Variants in KCTD18 observed in about 807,000 individuals in gnomAD.
KCTD18 encodes the protein potassium channel tetramerization domain containing 18.
Under a neutral mutation model 30.4 loss-of-function variants are expected in KCTD18, and 22 were observed. The observed-to-expected ratio is 0.72, with a 90% CI of 0.52 to 1.03. The LOEUF is 1.03. Ranked by LOEUF, KCTD18 falls within the 50% of genes least tolerant of loss-of-function variation. The probability of loss-of-function intolerance (pLI) is 0.00; values close to 1 mark genes in which losing one functional copy is unlikely to be tolerated. For missense variants in KCTD18, 529 were observed against 547.6 expected (o/e 0.97, Z 0.34); for synonymous variants, 186 against 209.0 (o/e 0.89, Z 0.95).
chr2:200,497,579 T>C, intron 5 of KCTD18, 174 bp downstream of exon 5: 1 of 576,496 alleles, frequency 1.7e-6, no homozygotes, highest in Non-Finnish European at 3.1e-6. Context: ...ATCTAGCAAC[T>C]CATGGGATTT....
At chr2:200,493,117 TA>T in intron 6 of KCTD18, 54 bp downstream of exon 6, 1 of 1,019,206 alleles carries the variant, frequency 9.8e-7, no homozygotes, top group Non-Finnish European at 1.6e-6. Flanking sequence ...ACAAAGGCAG[TA>T]AAAATGTCAG....
intron 3 of KCTD18, 96 bp downstream of exon 3, chr2:200,504,652 T>C (rs2030062551): frequency 1.1e-6 from 1 of 890,594 alleles, no homozygotes; most frequent in Non-Finnish European, 1.7e-6. Context: ...AACTATCTTG[T>C]TTGGTTAATG....
At position 200,490,628 on chromosome 2, in the gene KCTD18, GA is replaced by G. The variant is rs1199913263; in HGVS notation, c.765-13del. 6.4e-7 allele frequency: 1 copy of G among 1,566,040 alleles called. No individual in the cohort carries two copies. Among genetic ancestry groups the G allele is most frequent in the Non-Finnish European group, 8.6e-7 (1 of 1,161,298 alleles). On this transcript the variant is annotated splice_polypyrimidine_tract_variant and intron_variant, in intron 6 of 6. Coordinates refer to ENST00000359878, the MANE Select transcript of KCTD18 (RefSeq NM_152387.4). ...ACGTTATCAGTCGCCTAGAAATACA[GA>G]AGCGTGTCATTTTCCACATGTATAG...
Position 200,489,165 on chromosome 2 carries a change from AAC to A in KCTD18, c.*933_*934del, listed in dbSNP as rs1425427069. On this transcript the variant is annotated 3_prime_UTR_variant, in exon 7 of 7. Transcript: ENST00000359878. ...TTACAAAACATAACATTTACGAATA[AAC>A]ACACACAACTGAATAGTCATGAAAA... 9 of 152,772 alleles carry A rather than the reference AAC, an allele frequency of 5.9e-5. No individual in the cohort carries two copies. Among genetic ancestry groups the A allele is most frequent in the Middle Eastern group, 3.4e-3 (1 of 294 alleles). 9.5% of individuals were successfully genotyped at this position (152,772 alleles called of 1,614,324 possible). A position where few individuals can be genotyped will look rare whatever the true frequency, so the allele number is the denominator to read the frequency against.
rs2087947275 is a variant in KCTD18, at chr2:200,493,202, C to CT, written c.733dup (p.Ser245LysfsTer18). 2 of 1,612,604 alleles carry CT rather than the reference C, an allele frequency of 1.2e-6. No homozygotes were observed. The highest frequency in any genetic ancestry group is 2.2e-5 in the South Asian group (2 of 91,046). On this transcript the variant is annotated frameshift_variant, in exon 6 of 7. Coordinates refer to ENST00000359878, the MANE Select transcript of KCTD18 (RefSeq NM_152387.4). LOFTEE classifies it low-confidence loss of function (END_TRUNC). ...TCGAATTGGAGCCATGTGACGCAGG[C>CT]TTCCAAGTAAAGGCCGTTCTTCTAG...
In KCTD18 at chr2:200,507,068, A is replaced by C; in HGVS notation, c.-52T>G. 1 of 1,484,840 alleles carries C rather than the reference A, an allele frequency of 6.7e-7. No individual in the cohort carries two copies. Among genetic ancestry groups the C allele is most frequent in the Non-Finnish European group, 9.2e-7 (1 of 1,082,006 alleles). The allele number at this position is 1,484,840 out of a possible 1,614,324, so 92.0% of individuals were successfully genotyped here. A position where few individuals can be genotyped will look rare whatever the true frequency, so the allele number is the denominator to read the frequency against. ...CCGCCCAACACTTTCAGAAACTTCA[A>C]AACAATGATGTCTTGGTCTCCCTCT... On this transcript the variant is annotated 5_prime_UTR_variant, in exon 2 of 7. Transcript: ENST00000359878.
At chr2:200,506,431 G>A (rs2030203423) in intron 2 of KCTD18, among the ~76,000 whole-genome samples, 1 of 152,222 alleles carries the variant, frequency 6.6e-6, no homozygotes, top group East Asian at 1.9e-4. Flanking sequence ...TAGGTGGCGA[G>A]CCCAACACTA....
chr2:200,496,855 T>C (rs1045143672), intron 5 of KCTD18: 1 of 152,378 alleles, frequency 6.6e-6, no homozygotes, highest in South Asian at 2.1e-4. Flanking sequence ...CAGGCTGGAG[T>C]GCAGTGGTGT....
chr2:200,491,716 C>G (rs887606708), intron 6 of KCTD18, among the ~76,000 whole-genome samples: 1 of 152,126 alleles, frequency 6.6e-6, no homozygotes, highest in Non-Finnish European at 1.5e-5. Context: ...CAATCATTGT[C>G]AAAACCTTGC....
At chr2:200,505,031 G>T in intron 2 of KCTD18, 72 bp from the exon 3 acceptor site, 1 of 1,148,120 alleles carries the variant, frequency 8.7e-7, no homozygotes, top group Non-Finnish European at 1.3e-6. Flanking sequence ...AATCAAACTA[G>T]GTCTGAGGAC....
chr2:200,491,732 C>T (rs1346964118), intron 6 of KCTD18, among the ~76,000 whole-genome samples: 2 of 152,158 alleles, frequency 1.3e-5, no homozygotes, highest in African/African-American at 4.8e-5. Flanking sequence ...CTTGCCTGCT[C>T]CTTCAGCTTC....
intron 3 of KCTD18, 56 bp from the exon 4 acceptor site, chr2:200,499,140 G>C: frequency 7.3e-6 from 9 of 1,227,556 alleles, no homozygotes; most frequent in Non-Finnish European, 9.1e-6. Context: ...AAATAAAAAT[G>C]AATATGCTCC....
At chr2:200,500,779 T>A (rs1472266238) in intron 3 of KCTD18, among the ~76,000 whole-genome samples, 4 of 151,650 alleles carry the variant, frequency 2.6e-5, no homozygotes, top group African/African-American at 9.7e-5. Context: ...TGGAAAAAAC[T>A]ACTTTAAAGT....
rs1476963750 is a variant in KCTD18 at position 200,509,772 on chromosome 2, T to G, written c.-220A>C. On this transcript the variant is annotated 5_prime_UTR_variant, in exon 1 of 7. Coordinates refer to ENST00000359878, the MANE Select transcript of KCTD18 (RefSeq NM_152387.4). ...TCGCTCAAGGGGCTCACACTCCTCT[T>G]CCGAAGCGGGAAGAGCCGGGAGGAG... 2 of 152,032 alleles carry G rather than the reference T, an allele frequency of 1.3e-5. No homozygotes were observed. The highest frequency in any genetic ancestry group is 6.5e-5 in the Admixed American group (1 of 15,280). 9.4% of individuals were successfully genotyped at this position (152,032 alleles called of 1,614,324 possible). A position where few individuals can be genotyped will look rare whatever the true frequency, so the allele number is the denominator to read the frequency against.
chr2:200,492,865 T>C (rs993936082), intron 6 of KCTD18, among the ~76,000 whole-genome samples: 2 of 152,174 alleles, frequency 1.3e-5, no homozygotes, highest in South Asian at 2.1e-4. Context: ...AAGCCTGGGA[T>C]TCCACTTCTG....
chr2:200,506,670 A>G (rs143155908), intron 2 of KCTD18, among the ~76,000 whole-genome samples, 187 bp downstream of exon 2: 1 of 152,256 alleles, frequency 6.6e-6, no homozygotes, highest in Non-Finnish European at 1.5e-5. Context: ...AACTTTTAAC[A>G]TTATCACAGA....
intron 5 of KCTD18, among the ~76,000 whole-genome samples, chr2:200,493,744 G>A (rs1265816790): frequency 1.3e-5 from 2 of 152,192 alleles, no homozygotes; most frequent in African/African-American, 4.8e-5. Context: ...GCTTAGAACA[G>A]GGTCTAGCAC....
rs567214867 is a variant in KCTD18, at chr2:200,491,079, A to C, written c.765-463T>G. 3.2e-3 allele frequency among the ~76,000 whole-genome samples: 481 copies of C among 152,282 alleles called. 2 individuals are homozygous for C. Among genetic ancestry groups the C allele is most frequent in the African/African-American group, 0.011 (457 of 41,556 alleles). ...CATGTCCCCCCCGAAGCTCATGTTG[A>C]AATGTGATCCCCAATGTTGGAGGTG... On this transcript the variant is annotated intron_variant, in intron 6 of 6. Transcript: ENST00000359878.
intron 1 of KCTD18, among the ~76,000 whole-genome samples, chr2:200,507,897 C>T (rs554926675): frequency 6.6e-6 from 1 of 152,154 alleles, no homozygotes; most frequent in South Asian, 2.1e-4. Context: ...TAGTCTTGAA[C>T]TCCTGGGCTC....
Sources: allele counts gnomAD v4.1 joint callset (sites outside exome capture counted in the v4.1 genomes callset), GRCh38; gene constraint gnomAD v4.1.1; transcripts MANE v1.5; gene names NCBI Gene and HGNC (gene_info 2026-07-23, HGNC 2026-07-21).